Variants in ART3 observed in about 807,000 individuals in gnomAD.
ART3 encodes ADP-ribosyltransferase 3 (inactive), also known as ecto-ADP-ribosyltransferase 3.
In ART3, 49 loss-of-function variants were observed where a neutral mutation model predicts 48.5. That is an observed-to-expected ratio of 1.01 (90% CI 0.80 to 1.28). ART3 has a LOEUF of 1.28. Ranked by LOEUF, ART3 falls within the 50% of genes most tolerant of loss-of-function variation. The pLI is 0.00. For synonymous variants in ART3, 145 were observed against 157.2 expected, an observed-to-expected ratio of 0.92 and a Z score of 0.58; for missense variants, 438 against 454.3, an observed-to-expected ratio of 0.96 and a Z score of 0.33.
At chr4:76,086,564 G>A (rs1282008261) in intron 3 of ART3, among the ~76,000 whole-genome samples, 1 of 152,206 alleles carries the variant, frequency 6.6e-6, no homozygotes, top group East Asian at 1.9e-4. Flanking sequence ...ACTAAAGTCA[G>A]TAAAATTGTA....
chr4:76,082,242 G>T lies in ART3; in HGVS notation c.488G>T (p.Arg163Ile). Residue 163 changes from arginine (R) to isoleucine (I), a missense_variant, in exon 3 of 12, where the codon AGA (arginine) becomes ATA (isoleucine). Physicochemically the swap from Arg to Ile is moderately conservative, Grantham distance 97 (BLOSUM62 -3). This residue lies in a region of ART3 where 206 missense variants were observed against 205.3 expected (regional missense o/e 1.00). Coordinates refer to ENST00000355810, the MANE Select transcript of ART3 (RefSeq NM_001130016.3). ...GCCAGTTCCAAAACTGTGGTATATA[G>T]AACAAGCCAGGGCACTTCATTTACA... ...CEASSKTVVYRTSQGTSFTFG... is the reference protein window; with the variant it reads ...CEASSKTVVYITSQGTSFTFG... 6.2e-7 allele frequency: 1 copy of T among 1,614,168 alleles called. No individual in the cohort carries two copies. The highest frequency in any genetic ancestry group is 8.5e-7 in the Non-Finnish European group (1 of 1,180,030).
At chr4:76,032,033 A>G (rs550024058) in intron 1 of ART3, among the ~76,000 whole-genome samples, 1 of 152,324 alleles carries the variant, frequency 6.6e-6, no homozygotes, top group African/African-American at 2.4e-5. Flanking sequence ...AGAGAATAGT[A>G]TGTGCAAAGG....
At chr4:76,028,178 AAAAAATC>A (rs1402755859) in intron 1 of ART3, among the ~76,000 whole-genome samples, 2 of 91,942 alleles carry the variant, frequency 2.2e-5, no homozygotes, top group African/African-American at 4.9e-5. Flanking sequence ...ATTTAGAAAA[AAAAAATC>A]AAACTTTTAG....
intron 1 of ART3, among the ~76,000 whole-genome samples, chr4:76,042,623 C>T (rs867352895): frequency 7.2e-5 from 11 of 152,026 alleles, no homozygotes; most frequent in Middle Eastern, 3.4e-3. Context: ...TAAGGTGGCG[C>T]GTCTGGAGTT....
intron 1 of ART3, among the ~76,000 whole-genome samples, chr4:76,025,696 G>C (rs1733316363): frequency 6.6e-6 from 1 of 152,048 alleles, no homozygotes; most frequent in Non-Finnish European, 1.5e-5. Flanking sequence ...TCAGTATAAT[G>C]TTTCTTAGAT....
At chr4:76,021,893 C>G (rs542690649) in intron 1 of ART3, 2 of 1,599,418 alleles carry the variant, frequency 1.3e-6, no homozygotes, top group East Asian at 4.5e-5. Context: ...GTGGTCCATC[C>G]TTGGAAGCAC....
At chr4:76,023,224 T>C in intron 1 of ART3, 2 of 661,876 alleles carry the variant, frequency 3.0e-6, no homozygotes. Context: ...ATATAAGTTT[T>C]ATGATCTGAG....
intron 1 of ART3, among the ~76,000 whole-genome samples, chr4:76,011,698 T>G (rs1335862946): frequency 6.6e-6 from 1 of 152,230 alleles, no homozygotes; most frequent in Non-Finnish European, 1.5e-5. Flanking sequence ...TTCTCTCGCC[T>G]GACCCTACTT....
intron 3 of ART3, among the ~76,000 whole-genome samples, chr4:76,093,083 G>C (rs1335036260): frequency 6.6e-6 from 1 of 152,078 alleles, no homozygotes; most frequent in Non-Finnish European, 1.5e-5. Flanking sequence ...GAGGTTACCT[G>C]CATTCCTTGG....
chr4:76,105,542 A>G (rs1216885858), intron 10 of ART3: 2 of 1,289,088 alleles, frequency 1.6e-6, no homozygotes, highest in Non-Finnish European at 2.0e-6. Flanking sequence ...GATACAACTG[A>G]ATGAAAAACC....
chr4:76,013,432 T>TAC (rs1436797607), intron 1 of ART3, among the ~76,000 whole-genome samples: 12 of 152,202 alleles, frequency 7.9e-5, no homozygotes, highest in South Asian at 2.1e-4. Context: ...GAGATTTATA[T>TAC]ATACACACAC....
chr4:76,106,232 A>G, intron 10 of ART3: 1 of 985,444 alleles, frequency 1.0e-6, no homozygotes, highest in Non-Finnish European at 1.2e-6. Flanking sequence ...TTAGTTATCC[A>G]CTTCTATCCT....
rs1008245191 is a variant in ART3, at chr4:76,105,915, A to G, written c.1003+1286A>G. The G allele has an allele frequency of 7.1e-6, 7 of 985,278 alleles. No homozygotes were observed. The African/African-American group carries it at 8.7e-5, about 12-fold the overall frequency. 61.0% of individuals were successfully genotyped at this position (985,278 alleles called of 1,614,324 possible). ...TGAATGAGGACTGTGCAGCATGCCA[A>G]TACTGGGACCAGCCATTCTGTGTGC... On this transcript the variant is annotated intron_variant, in intron 10 of 11. Coordinates refer to ENST00000355810, the MANE Select transcript of ART3 (RefSeq NM_001130016.3).
intron 1 of ART3, among the ~76,000 whole-genome samples, chr4:76,025,430 G>T (rs991970742): frequency 7.9e-5 from 12 of 152,112 alleles, no homozygotes; most frequent in African/African-American, 1.9e-4. Context: ...CTTGATAAAT[G>T]GACTAAAAAT....
intron 11 of ART3, chr4:76,112,007 A>G (rs1729584257): frequency 6.4e-6 from 1 of 155,366 alleles, no homozygotes; most frequent in Non-Finnish European, 1.4e-5. Context: ...GTGAGCCACC[A>G]TGCCCCAACC....
At chr4:76,055,144 C>A (rs1718562316) in intron 1 of ART3, among the ~76,000 whole-genome samples, 1 of 152,182 alleles carries the variant, frequency 6.6e-6, no homozygotes, top group African/African-American at 2.4e-5. Flanking sequence ...AGCTTACTTT[C>A]TGTGTTTCTT....
intron 10 of ART3, among the ~76,000 whole-genome samples, chr4:76,106,703 A>G (rs780915207): frequency 2.0e-5 from 3 of 152,146 alleles, no homozygotes; most frequent in Admixed American, 6.5e-5. Context: ...CCACTGTATG[A>G]GGGCGAAGTT....
At chr4:76,108,804 T>A (rs116547488) in intron 11 of ART3, among the ~76,000 whole-genome samples, 4 of 152,236 alleles carry the variant, frequency 2.6e-5, no homozygotes, top group African/African-American at 4.8e-5. Flanking sequence ...GCTCCTAGGC[T>A]ATAAACCTTT....
chr4:76,035,119 A>G (rs768869535), intron 1 of ART3: 20 of 1,583,360 alleles, frequency 1.3e-5, no homozygotes, highest in Non-Finnish European at 1.7e-6. Flanking sequence ...TCAGGGTAAT[A>G]CTGTTAAAAG....
Sources: gnomAD v4.1 joint callset for allele counts (sites outside exome capture counted in the v4.1 genomes callset) on GRCh38, gnomAD v4.1.1 for gene constraint, gnomAD v4.1.1 regional missense constraint, MANE v1.5 for transcripts, NCBI Gene and HGNC (gene_info 2026-07-23, HGNC 2026-07-21) for gene names.